The following AR variants were observed in gnomAD, a reference collection of about 807,000 sequenced individuals.
AR encodes the protein dihydrotestosterone receptor.
Under a neutral mutation model 53.9 loss-of-function variants are expected in AR, and 8 were observed. The ratio of observed to expected loss-of-function variants is 0.15; its 90% confidence interval spans 0.09 to 0.27. The LOEUF is 0.27. Ranked by LOEUF, AR falls within the 10% of genes least tolerant of loss-of-function variation. The probability of loss-of-function intolerance (pLI) is 1.00; values close to 1 mark genes in which losing one functional copy is unlikely to be tolerated. For synonymous variants in AR, 359 were observed against 316.4 expected, an observed-to-expected ratio of 1.13 and a Z score of -1.43; for missense variants, 639 against 742.5, an observed-to-expected ratio of 0.86 and a Z score of 1.62.
At chrX:67,674,247 A>G (rs959884120) in intron 2 of AR, among the ~76,000 whole-genome samples, 1 of 109,284 alleles carries the variant, frequency 9.2e-6, no homozygotes, top group African/African-American at 3.3e-5. Flanking sequence ...TGACACAATC[A>G]CATTTGTAGT....
intron 7 of AR, 52 bp from the exon 8 acceptor site, chrX:67,723,634 G>T: frequency 8.4e-7 from 1 of 1,192,158 alleles, no homozygotes; most frequent in African/African-American, 1.8e-5. Context: ...GAGGCTAGCA[G>T]AGGCCACCTC....
chrX:67,709,054 G>T (rs1439293924), intron 3 of AR, among the ~76,000 whole-genome samples: 2 of 111,977 alleles, frequency 1.8e-5, no homozygotes, highest in African/African-American at 3.2e-5. Context: ...GCCCCTACTG[G>T]TGGGTGTCTC....
At chrX:67,585,073 T>C (rs1274215767) in intron 1 of AR, among the ~76,000 whole-genome samples, 1 of 110,937 alleles carries the variant, frequency 9.0e-6, no homozygotes, top group Non-Finnish European at 1.9e-5. Context: ...CTGACCAACA[T>C]GGTGAAACCC....
chrX:67,633,959 A>T (rs895227825), intron 1 of AR, among the ~76,000 whole-genome samples: 5 of 110,608 alleles, frequency 4.5e-5, no homozygotes, highest in African/African-American at 1.4e-4. Flanking sequence ...TTTTGGAGTG[A>T]TATAATTGCT....
chrX:67,551,321 T>C (rs1312956017), intron 1 of AR, among the ~76,000 whole-genome samples: 1 of 111,058 alleles, frequency 9.0e-6, no homozygotes, highest in Non-Finnish European at 1.9e-5. Flanking sequence ...TTAAGCTTCA[T>C]AAAAATTAAT....
At chrX:67,596,422 CTTAAA>C (rs1305112701) in intron 1 of AR, among the ~76,000 whole-genome samples, 2 of 111,010 alleles carry the variant, frequency 1.8e-5, no homozygotes, top group Non-Finnish European at 3.8e-5. Context: ...GATATTTACT[CTTAAA>C]TTAAACTAAT....
At position 67,723,989 on chromosome X, in the gene AR, A is replaced by C; in HGVS notation, c.*148A>C. The C allele has an allele frequency of 1.3e-6, 1 of 788,298 alleles. No individual in the cohort carries two copies. The highest frequency in any genetic ancestry group is 1.8e-6 in the Non-Finnish European group (1 of 556,720). The allele number at this position is 788,298 out of a possible 1,213,427, so 65.0% of individuals were successfully genotyped here. A position where few individuals can be genotyped will look rare whatever the true frequency, so the allele number is the denominator to read the frequency against. On this transcript the variant is annotated 3_prime_UTR_variant, in exon 8 of 8. Transcript: ENST00000374690. ...TGTCATGAACATGTTCCTGAATTCTATTTGCTGGGCTTTTTTTTTCTCTTT... is the reference window on the plus strand; with the variant it reads ...TGTCATGAACATGTTCCTGAATTCTCTTTGCTGGGCTTTTTTTTTCTCTTT...
At position 67,690,886 on chromosome X, in the gene AR, G is replaced by A. The variant is rs182220847; in HGVS notation, c.1885+4760G>A. On this transcript the variant is annotated intron_variant, in intron 3 of 7. Coordinates refer to ENST00000374690, the MANE Select transcript of AR (RefSeq NM_000044.6). ...CACAGAGACATGAACAAAATGCATT[G>A]AGGGTTTGAGGAACAGCAATTGGTT... 4.3e-4 allele frequency among the ~76,000 whole-genome samples: 48 copies of A among 111,845 alleles called. No homozygotes were observed. The Admixed American group carries it at 4.6e-3, about 11-fold the overall frequency.
intron 1 of AR, among the ~76,000 whole-genome samples, chrX:67,610,163 G>A (rs1048832346): frequency 9.0e-6 from 1 of 111,194 alleles, no homozygotes; most frequent in African/African-American, 3.3e-5. Flanking sequence ...GCTGTCCTAC[G>A]AGTGTCCAGA....
At chrX:67,603,697 C>T (rs1602185419) in intron 1 of AR, among the ~76,000 whole-genome samples, 1 of 111,870 alleles carries the variant, frequency 8.9e-6, no homozygotes, top group East Asian at 2.8e-4. Context: ...TAGACATTAA[C>T]ATTTGTTTTT....
intron 4 of AR, among the ~76,000 whole-genome samples, chrX:67,712,307 G>A (rs887805187): frequency 3.6e-5 from 4 of 111,953 alleles, no homozygotes; most frequent in African/African-American, 1.3e-4. Flanking sequence ...AAAAAGGAAC[G>A]CTTTTTGCAC....
chrX:67,629,849 T>G (rs1223330277), intron 1 of AR, among the ~76,000 whole-genome samples: 15 of 110,665 alleles, frequency 1.4e-4, no homozygotes, highest in South Asian at 7.7e-4. Flanking sequence ...CTTTGTTCTC[T>G]TTGGTTTCAA....
intron 1 of AR, 33 bp from the exon 2 acceptor site, chrX:67,643,223 C>T (rs1054173183): frequency 1.4e-5 from 17 of 1,208,127 alleles, no homozygotes; most frequent in African/African-American, 1.7e-5. Flanking sequence ...CATTCAGTGA[C>T]ATGTGTTGCA....
rs781400811 is a variant in AR, at chrX:67,652,542, C to T, written c.1768+9135C>T. 6.2e-5 allele frequency among the ~76,000 whole-genome samples: 7 copies of T among 112,062 alleles called. No individual in the cohort carries two copies. The South Asian group carries it at 1.5e-3, about 24-fold the overall frequency. ...GGCTCAGAGAGAGGAAATTACTTTC[C>T]TGGGTTTGTATAGCCTATAAATGGC... On this transcript the variant is annotated intron_variant, in intron 2 of 7. Coordinates refer to ENST00000374690, the MANE Select transcript of AR (RefSeq NM_000044.6).
At chrX:67,626,085 A>G (rs186479410) in intron 1 of AR, among the ~76,000 whole-genome samples, 3 of 110,700 alleles carry the variant, frequency 2.7e-5, no homozygotes, top group Non-Finnish European at 5.7e-5. Flanking sequence ...ATCCAATTAT[A>G]CTCTTTTAGT....
At chrX:67,693,022 C>T (rs1293901174) in intron 3 of AR, among the ~76,000 whole-genome samples, 4 of 112,738 alleles carry the variant, frequency 3.5e-5, no homozygotes, top group Admixed American at 9.4e-5. Flanking sequence ...ACAGAGACTG[C>T]GTCTCTTAAT....
rs764684648 is a variant in AR at position 67,721,874 on chromosome X, G to A, written c.2360G>A (p.Arg787Gln). Residue 787 changes from arginine (R) to glutamine (Q), a missense_variant, in exon 6 of 8, where the codon CGA becomes CAA. By Grantham distance (43) the Arg-to-Gln change is conservative (BLOSUM62 1). Coordinates refer to ENST00000374690, the MANE Select transcript of AR (RefSeq NM_000044.6). ...TCCCGGATGTACAGCCAGTGTGTCCGAATGAGGCACCTCTCTCAAGAGTTT... is the reference window on the plus strand; with the variant it reads ...TCCCGGATGTACAGCCAGTGTGTCCAAATGAGGCACCTCTCTCAAGAGTTT... ...HKSRMYSQCVRMRHLSQEFGW... is the reference protein window; with the variant it reads ...HKSRMYSQCVQMRHLSQEFGW... 32 of 1,210,836 alleles carry A rather than the reference G, an allele frequency of 2.6e-5. No homozygotes were observed. Among genetic ancestry groups the A allele is most frequent in the Non-Finnish European group, 3.5e-5 (31 of 895,146 alleles).
Position 67,653,837 on chromosome X carries a change from T to C in AR, c.1768+10430T>C, listed in dbSNP as rs113062053. 2.9e-3 allele frequency among the ~76,000 whole-genome samples: 320 copies of C among 111,669 alleles called. 1 individual carries two copies. The highest frequency in any genetic ancestry group is 9.9e-3 in the African/African-American group (303 of 30,704). ...GCATGTCTAGTTCCCTCTTTGTACA[T>C]TAAAATCTCCATTGGAACAGTAACA... On this transcript the variant is annotated intron_variant, in intron 2 of 7. Transcript: ENST00000374690.
intron 1 of AR, among the ~76,000 whole-genome samples, chrX:67,563,502 T>C (rs1373054054): frequency 9.0e-6 from 1 of 111,401 alleles, no homozygotes; most frequent in Non-Finnish European, 1.9e-5. Context: ...TTATTATTAG[T>C]AGTAGTAGTA....
Sources: allele counts gnomAD v4.1 joint callset (sites outside exome capture counted in the v4.1 genomes callset), GRCh38; gene constraint gnomAD v4.1.1; transcripts MANE v1.5; gene names NCBI Gene and HGNC (gene_info 2026-07-23, HGNC 2026-07-21).